Variants in AP3B1 observed in about 807,000 individuals in gnomAD.
AP3B1 encodes the protein adaptor related protein complex 3 subunit beta 1, also known as AP-3 complex subunit beta-1.
In AP3B1, 61 loss-of-function variants were observed where a neutral mutation model predicts 132.5. The observed-to-expected ratio is 0.46, with a 90% CI of 0.37 to 0.57. The LOEUF is 0.57. Among genes scored for constraint, AP3B1 ranks in the 20% least tolerant of loss-of-function variants. The pLI is 0.00. For synonymous variants in AP3B1, 388 were observed against 438.3 expected, an observed-to-expected ratio of 0.89 and a Z score of 1.43; for missense variants, 1,120 against 1,289.4, an observed-to-expected ratio of 0.87 and a Z score of 2.01.
intron 22 of AP3B1, among the ~76,000 whole-genome samples, chr5:78,087,251 T>C (rs1276173258): frequency 6.6e-6 from 1 of 152,196 alleles, no homozygotes; most frequent in East Asian, 1.9e-4. Flanking sequence ...CACAGCATTA[T>C]ATGGGAGTTG....
chr5:78,057,493 TTCA>T (rs1406745465), intron 22 of AP3B1, among the ~76,000 whole-genome samples: 1 of 152,170 alleles, frequency 6.6e-6, no homozygotes, highest in Non-Finnish European at 1.5e-5. Context: ...GCTGGGTATT[TTCA>T]GAAAAGTGTC....
At chr5:78,032,979 A>T (rs1360083584) in intron 24 of AP3B1, among the ~76,000 whole-genome samples, 1 of 152,134 alleles carries the variant, frequency 6.6e-6, no homozygotes, top group Non-Finnish European at 1.5e-5. Context: ...AATCCTGTTC[A>T]AGAGACTATA....
chr5:78,197,437 C>T (rs1745120216), intron 7 of AP3B1, among the ~76,000 whole-genome samples: 1 of 152,120 alleles, frequency 6.6e-6, no homozygotes, highest in Non-Finnish European at 1.5e-5. Context: ...TTTATATACT[C>T]TTAAGGTACT....
At chr5:78,011,246 A>G (rs911607253) in intron 26 of AP3B1, among the ~76,000 whole-genome samples, 1 of 151,864 alleles carries the variant, frequency 6.6e-6, no homozygotes, top group African/African-American at 2.4e-5. Context: ...GGGTTTCACC[A>G]TGTTGGCCAG....
intron 22 of AP3B1, among the ~76,000 whole-genome samples, chr5:78,065,061 G>A (rs1749223259): frequency 6.6e-6 from 1 of 152,170 alleles, no homozygotes; most frequent in Non-Finnish European, 1.5e-5. Context: ...AGGAGTAGCA[G>A]GGTGGAGCAA....
Position 78,162,930 on chromosome 5 carries a change from T to C in AP3B1, c.1252A>G (p.Lys418Glu). The change falls in exon 13 of 27, where the codon AAA becomes GAA. Residue 418 changes from lysine (K) to glutamate (E), a missense_variant. By Grantham distance (56) the Lys-to-Glu change is moderately conservative (BLOSUM62 1). Transcript: ENST00000255194. The stretch of plus-strand genomic sequence containing the variant: ...TGAATAGTGGCTGCTGCAAATTGTT[T>C]ATCCTGGCTTTTCACATAGGTCTAA... Reference protein sequence around the residue: ...EFQTYVKSQDKQFAAATIQTI... With the variant: ...EFQTYVKSQDEQFAAATIQTI... The C allele has an allele frequency of 6.2e-7, 1 of 1,613,990 alleles. No homozygotes were observed. Among genetic ancestry groups the C allele is most frequent in the South Asian group, 1.1e-5 (1 of 91,080 alleles).
At chr5:78,143,579 A>C (rs1753246366) in intron 14 of AP3B1, among the ~76,000 whole-genome samples, 1 of 152,194 alleles carries the variant, frequency 6.6e-6, no homozygotes, top group African/African-American at 2.4e-5. Flanking sequence ...TCAGAATACT[A>C]AGATTTTTGG....
At chr5:78,023,531 T>C (rs1290331768) in intron 24 of AP3B1, among the ~76,000 whole-genome samples, 2 of 152,002 alleles carry the variant, frequency 1.3e-5, no homozygotes, top group Admixed American at 6.6e-5. Context: ...GCAGTAAGAA[T>C]GGTGTAAATG....
At chr5:78,227,630 T>C (rs969344745) in intron 4 of AP3B1, 98 bp from the exon 5 acceptor site, 4 of 1,145,516 alleles carry the variant, frequency 3.5e-6, no homozygotes, top group Admixed American at 1.9e-5. Flanking sequence ...GGGTGTAATA[T>C]GACAATAGCA....
At chr5:78,235,238 A>T (rs764229092) in intron 3 of AP3B1, among the ~76,000 whole-genome samples, 2 of 152,200 alleles carry the variant, frequency 1.3e-5, no homozygotes, top group Non-Finnish European at 2.9e-5. Flanking sequence ...AGTTCTCTGG[A>T]AAGTTTTGAG....
intron 1 of AP3B1, among the ~76,000 whole-genome samples, chr5:78,278,859 G>A (rs1185924752): frequency 1.3e-5 from 2 of 152,000 alleles, no homozygotes; most frequent in African/African-American, 2.4e-5. Flanking sequence ...CTGTGCATGC[G>A]AGGGATCTAG....
At chr5:78,188,052 C>A (rs765543431) in intron 7 of AP3B1, among the ~76,000 whole-genome samples, 4 of 152,148 alleles carry the variant, frequency 2.6e-5, no homozygotes, top group Non-Finnish European at 5.9e-5. Context: ...GAAACTGGAT[C>A]CCTTCCTTAC....
chr5:78,206,752 GA>G (rs1260715798), intron 7 of AP3B1, among the ~76,000 whole-genome samples: 5 of 151,480 alleles, frequency 3.3e-5, no homozygotes, highest in African/African-American at 7.3e-5. Context: ...AATAAAAACT[GA>G]AAAAAAAGAT....
chr5:78,260,136 C>T (rs950860752), intron 2 of AP3B1, among the ~76,000 whole-genome samples: 1 of 151,930 alleles, frequency 6.6e-6, no homozygotes, highest in African/African-American at 2.4e-5. Flanking sequence ...GAAAAGAAAA[C>T]ATTGCAACCC....
rs1749678902 is a variant in AP3B1 at position 78,294,639 on chromosome 5, A to G, written c.-60T>C. On this transcript the variant is annotated 5_prime_UTR_variant, in exon 1 of 27. Coordinates refer to ENST00000255194, the MANE Select transcript of AP3B1 (RefSeq NM_003664.5). ...CCGGGGGTTCTCTCCAAAAGGTTCC[A>G]GTCCAGAGGGCACGGAACAAAACTA... is the stretch of plus-strand genomic sequence containing the variant. 1.2e-6 allele frequency: 2 copies of G among 1,611,136 alleles called. No individual in the cohort carries two copies. The highest frequency in any genetic ancestry group is 8.5e-7 in the Non-Finnish European group (1 of 1,179,608).
intron 22 of AP3B1, among the ~76,000 whole-genome samples, chr5:78,077,434 A>G (rs1749810102): frequency 1.3e-5 from 2 of 152,230 alleles, no homozygotes; most frequent in African/African-American, 2.4e-5. Flanking sequence ...CTCCTTCAGC[A>G]TTGTTTACCC....
intron 15 of AP3B1, among the ~76,000 whole-genome samples, chr5:78,139,925 C>T (rs1242486110): frequency 6.6e-6 from 1 of 150,558 alleles, no homozygotes; most frequent in Non-Finnish European, 1.5e-5. Flanking sequence ...GGGAAGGGGA[C>T]AAAAACAAAG....
intron 22 of AP3B1, among the ~76,000 whole-genome samples, chr5:78,075,458 C>A (rs1326291873): frequency 6.6e-6 from 1 of 152,124 alleles, no homozygotes; most frequent in Non-Finnish European, 1.5e-5. Context: ...TTCTGTTTCC[C>A]AGTTGAGTTC....
intron 19 of AP3B1, among the ~76,000 whole-genome samples, chr5:78,113,043 A>C (rs1333791713): frequency 6.6e-6 from 1 of 152,228 alleles, no homozygotes; most frequent in African/African-American, 2.4e-5. Flanking sequence ...ACTGTCTGTA[A>C]TAAAAGGAGC....
Sources: allele counts gnomAD v4.1 joint callset (sites outside exome capture counted in the v4.1 genomes callset), GRCh38; gene constraint gnomAD v4.1.1; transcripts MANE v1.5; gene names NCBI Gene and HGNC (gene_info 2026-07-23, HGNC 2026-07-21).